The following LEPR variants were observed in gnomAD, a reference collection of about 807,000 sequenced individuals.
LEPR encodes OB receptor.
In LEPR, 56 loss-of-function variants were observed where a neutral mutation model predicts 114.7. The observed-to-expected ratio is 0.49, with a 90% CI of 0.39 to 0.61. LEPR has a LOEUF of 0.61. Ranked by LOEUF, LEPR falls within the 20% of genes least tolerant of loss-of-function variation. LEPR has a pLI of 0.00. For synonymous variants in LEPR, 443 were observed against 461.4 expected, an observed-to-expected ratio of 0.96 and a Z score of 0.51; for missense variants, 1,202 against 1,352.9, an observed-to-expected ratio of 0.89 and a Z score of 1.75.
Position 65,523,243 on chromosome 1 carries a change from G to T in LEPR, c.-20-42303G>T, listed in dbSNP as rs151121429. 3.3e-3 allele frequency among the ~76,000 whole-genome samples: 510 copies of T among 152,294 alleles called. 2 individuals are homozygous for T. The highest frequency in any genetic ancestry group is 0.012 in the African/African-American group (478 of 41,558). On this transcript the variant is annotated intron_variant, in intron 2 of 19. Transcript: ENST00000349533. Reference sequence around the variant, plus strand: ...ACACAAGTTGAGGGTTTGAGCCTTTGTACTTGTTTCCTACAGGGCAGTTAT... The same window carrying T: ...ACACAAGTTGAGGGTTTGAGCCTTTTTACTTGTTTCCTACAGGGCAGTTAT...
At chr1:65,487,705 AAT>A (rs200685980) in intron 2 of LEPR, among the ~76,000 whole-genome samples, 134 of 74,998 alleles carry the variant, frequency 1.8e-3, no homozygotes, top group African/African-American at 3.3e-3. Context: ...TAAATTAAAA[AAT>A]TTTTTTTTAA....
At chr1:65,534,504 A>G (rs1199583266) in intron 2 of LEPR, among the ~76,000 whole-genome samples, 1 of 152,232 alleles carries the variant, frequency 6.6e-6, no homozygotes, top group African/African-American at 2.4e-5. Context: ...AACAAAATAG[A>G]TGAGCATCCC....
chr1:65,611,058 T>C (rs1301967430), intron 14 of LEPR, among the ~76,000 whole-genome samples: 1 of 152,240 alleles, frequency 6.6e-6, no homozygotes, highest in Admixed American at 6.5e-5. Flanking sequence ...ATAATTTCAT[T>C]TGGTGAATAA....
intron 2 of LEPR, among the ~76,000 whole-genome samples, chr1:65,530,832 T>C (rs1171032796): frequency 6.6e-6 from 1 of 152,124 alleles, no homozygotes; most frequent in Non-Finnish European, 1.5e-5. Context: ...CAGCCCCTAC[T>C]CAAGATGGAG....
chr1:65,436,634 A>G lies in LEPR; in HGVS notation c.-21+11256A>G, dbSNP rs1400309213. On this transcript the variant is annotated intron_variant, in intron 2 of 19. Transcript: ENST00000349533. ...ATTTTGAAACATTTATTTGTGGTCA[A>G]TACGAGGCACATAGGCAAAGTGGTC... 5.3e-5 allele frequency among the ~76,000 whole-genome samples: 8 copies of G among 152,262 alleles called. No homozygotes were observed. In the East Asian group the frequency reaches 1.3e-3, roughly 26 times the overall value.
At chr1:65,468,480 TA>T (rs1035745693) in intron 2 of LEPR, among the ~76,000 whole-genome samples, 5 of 152,182 alleles carry the variant, frequency 3.3e-5, no homozygotes, top group African/African-American at 9.6e-5. Flanking sequence ...AAAGCTTCCT[TA>T]AAAAAAATTG....
rs773082290 is a variant in LEPR, at chr1:65,526,077, G to A, written c.-20-39469G>A. On this transcript the variant is annotated intron_variant, in intron 2 of 19. Coordinates refer to ENST00000349533, the MANE Select transcript of LEPR (RefSeq NM_002303.6). ...TCTGGACACACGGCTGACAGCAGCC[G>A]GCAGCGCCTGGAGCGAACCTGCTCG... The A allele has an allele frequency of 4.1e-6, 4 of 977,790 alleles. No individual in the cohort carries two copies. The African/African-American group carries it at 7.0e-5, about 17-fold the overall frequency. The allele number at this position is 977,790 out of a possible 1,614,324, so 60.6% of individuals were successfully genotyped here.
chr1:65,601,474 G>C lies in LEPR; in HGVS notation c.1077G>C (p.Lys359Asn). ...ACTGCATCTATAAGAAGGAAAACAA[G>C]ATTGTTCCCTCAAAAGAGATTGTTT... The part of the protein sequence containing the change: ...SFHCIYKKEN[K>N]IVPSKEIVWW... The change falls in exon 9 of 20, where the codon AAG (lysine) becomes AAC (asparagine). Residue 359 changes from lysine (K) to asparagine (N), a missense_variant. Physicochemically the swap from Lys to Asn is moderately conservative, Grantham distance 94 (BLOSUM62 0). Transcript: ENST00000349533. The C allele has an allele frequency of 2.5e-6, 4 of 1,613,666 alleles. No homozygotes were observed. Among genetic ancestry groups the C allele is most frequent in the Non-Finnish European group, 3.4e-6 (4 of 1,179,682 alleles).
chr1:65,421,590 AG>A, intron 1 of LEPR: 2 of 1,031,402 alleles, frequency 1.9e-6, no homozygotes, highest in East Asian at 2.6e-5. Flanking sequence ...ACATGTAGAT[AG>A]TATATATACG....
rs553696608 is a variant in LEPR, at chr1:65,637,543, A to G, written c.*528A>G. The G allele has an allele frequency of 2.6e-5, 4 of 153,350 alleles. No individual in the cohort carries two copies. Among genetic ancestry groups the G allele is most frequent in the Non-Finnish European group, 4.4e-5 (3 of 68,700 alleles). The allele number at this position is 153,350 out of a possible 1,614,324, so 9.5% of individuals were successfully genotyped here. A position where few individuals can be genotyped will look rare whatever the true frequency, so the allele number is the denominator to read the frequency against. The stretch of plus-strand genomic sequence containing the variant: ...TGTGAAGACTAATGAGCCAATTGTT[A>G]TGTACCAAATCTAAGATATGTACCA... On this transcript the variant is annotated 3_prime_UTR_variant, in exon 20 of 20. Coordinates refer to ENST00000349533, the MANE Select transcript of LEPR (RefSeq NM_002303.6).
chr1:65,601,324 T>G, intron 8 of LEPR, 68 bp from the exon 9 acceptor site: 1 of 1,563,306 alleles, frequency 6.4e-7, no homozygotes, highest in South Asian at 1.1e-5. Flanking sequence ...TGAATATTTT[T>G]CGATGTGGTA....
chr1:65,636,165 G>A (rs1658712451), intron 19 of LEPR, 26 bp from the exon 20 acceptor site: 2 of 1,613,044 alleles, frequency 1.2e-6, no homozygotes, highest in South Asian at 1.1e-5. Flanking sequence ...ACATAATTGA[G>A]CCTTAAAATG....
rs184451770 is a variant in LEPR at position 65,477,767 on chromosome 1, G to A, written c.-21+52389G>A. ...ATAACCTGACCACATTATGAGTTCT[G>A]GAATTTGTTCAGGGCTGTGTCCTGT... On this transcript the variant is annotated intron_variant, in intron 2 of 19. Transcript: ENST00000349533. 5.6e-3 allele frequency among the ~76,000 whole-genome samples: 852 copies of A among 152,304 alleles called. 12 individuals carry two copies. The highest frequency in any genetic ancestry group is 7.8e-3 in the Non-Finnish European group (534 of 68,030).
intron 2 of LEPR, among the ~76,000 whole-genome samples, chr1:65,514,000 A>G (rs1458841551): frequency 6.6e-6 from 1 of 152,226 alleles, no homozygotes; most frequent in Non-Finnish European, 1.5e-5. Context: ...CGGTTACTGC[A>G]TGAAGTACTG....
At chr1:65,523,108 G>T (rs889770736) in intron 2 of LEPR, among the ~76,000 whole-genome samples, 8 of 152,144 alleles carry the variant, frequency 5.3e-5, no homozygotes, top group African/African-American at 1.9e-4. Flanking sequence ...TCGGAGCACA[G>T]TATTGGCACA....
At chr1:65,554,020 G>C (rs890531152) in intron 2 of LEPR, among the ~76,000 whole-genome samples, 1 of 152,100 alleles carries the variant, frequency 6.6e-6, no homozygotes, top group Non-Finnish European at 1.5e-5. Context: ...TGTTTGCCTG[G>C]GTATCACCAG....
intron 2 of LEPR, chr1:65,433,587 A>G (rs1646517843): frequency 2.0e-6 from 2 of 985,460 alleles, no homozygotes; most frequent in Non-Finnish European, 2.4e-6. Flanking sequence ...ACTGGAAAAT[A>G]GAAAGTAATA....
intron 2 of LEPR, among the ~76,000 whole-genome samples, chr1:65,492,210 C>A (rs936276169): frequency 6.6e-6 from 1 of 151,962 alleles, no homozygotes; most frequent in Admixed American, 6.6e-5. Context: ...CCCAGTGCAC[C>A]CAGGCTCCAA....
chr1:65,593,600 GT>G (rs1205304115), intron 6 of LEPR, among the ~76,000 whole-genome samples: 10 of 151,840 alleles, frequency 6.6e-5, no homozygotes, highest in Non-Finnish European at 1.0e-4. Flanking sequence ...TGCATCATTG[GT>G]TTTGACATCA....
Sources: allele counts gnomAD v4.1 joint callset (sites outside exome capture counted in the v4.1 genomes callset), GRCh38; gene constraint gnomAD v4.1.1; transcripts MANE v1.5; gene names NCBI Gene and HGNC (gene_info 2026-07-23, HGNC 2026-07-21).